RALGPS2: variants seen among roughly 807,000 people sequenced by gnomAD.
The protein encoded by RALGPS2 is ras-specific guanine nucleotide-releasing factor RalGPS2.
A neutral mutation model predicts 86.8 loss-of-function variants in RALGPS2; 43 were observed. That is an observed-to-expected ratio of 0.50 (90% CI 0.39 to 0.64). RALGPS2 has a LOEUF of 0.64. RALGPS2 is among the 30% of genes least tolerant of loss of function. RALGPS2 has a pLI of 0.00. For synonymous variants in RALGPS2, 243 were observed against 231.3 expected (o/e 1.05, Z -0.46); for missense variants, 536 against 694.6 (o/e 0.77, Z 2.57).
intron 8 of RALGPS2, chr1:178,865,772 T>C: frequency 6.4e-7 from 1 of 1,574,614 alleles, no homozygotes; most frequent in African/African-American, 1.4e-5. Flanking sequence ...GGTAAAAGTC[T>C]TCATTTTGAA....
intron 8 of RALGPS2, among the ~76,000 whole-genome samples, chr1:178,856,394 A>ATTTTCTTTTTTTTTTTTTTTTTTTTTT (rs1657575919): frequency 2.7e-5 from 1 of 36,432 alleles, no homozygotes; most frequent in African/African-American, 1.5e-4. Flanking sequence ...TGCCTGGCTA[A>ATTTTCTTTTTTTTTTTTTTTTTTTTTT]TTTTTTTTTT....
At chr1:178,746,363 A>G (rs1207165675) in intron 1 of RALGPS2, among the ~76,000 whole-genome samples, 1 of 152,240 alleles carries the variant, frequency 6.6e-6, no homozygotes, top group Non-Finnish European at 1.5e-5. Context: ...AAAATATTTA[A>G]TGCTGCCAAA....
At chr1:178,864,754 T>G (rs1452359908) in intron 8 of RALGPS2, among the ~76,000 whole-genome samples, 1 of 152,096 alleles carries the variant, frequency 6.6e-6, no homozygotes, top group Non-Finnish European at 1.5e-5. Flanking sequence ...TACATTAAGT[T>G]TTTATAAACT....
intron 3 of RALGPS2, among the ~76,000 whole-genome samples, chr1:178,785,333 T>G (rs901843176): frequency 1.3e-5 from 2 of 151,978 alleles, no homozygotes; most frequent in Non-Finnish European, 2.9e-5. Context: ...ATTATTTTTA[T>G]TTTTTAACTT....
intron 8 of RALGPS2, among the ~76,000 whole-genome samples, chr1:178,876,790 G>A (rs1305672551): frequency 2.0e-5 from 3 of 152,142 alleles, no homozygotes; most frequent in African/African-American, 7.2e-5. Context: ...TTAAGGACTA[G>A]TACAACCAAA....
At chr1:178,905,130 G>GCCAA (rs1489734623) in intron 18 of RALGPS2, among the ~76,000 whole-genome samples, 1 of 151,954 alleles carries the variant, frequency 6.6e-6, no homozygotes, top group Non-Finnish European at 1.5e-5. Flanking sequence ...ATTATAAAAG[G>GCCAA]CGTTGAATTC....
rs1270499803 is a variant in RALGPS2 at position 178,780,473 on chromosome 1, C to T, written c.57+3652C>T. ...ATATTCTTAAAATACAGCTCTTAAACTTTATCTTTTCTCAAAACTGTCTGT... is the reference window on the plus strand; with the variant it reads ...ATATTCTTAAAATACAGCTCTTAAATTTTATCTTTTCTCAAAACTGTCTGT... On this transcript the variant is annotated intron_variant, in intron 2 of 19. Coordinates refer to ENST00000367635, the MANE Select transcript of RALGPS2 (RefSeq NM_152663.5). Among the ~76,000 whole-genome samples the T allele has an allele frequency of 2.0e-5, 3 of 152,076 alleles. No homozygotes were observed. In the East Asian group the frequency reaches 5.8e-4, roughly 29 times the overall value.
intron 4 of RALGPS2, among the ~76,000 whole-genome samples, chr1:178,801,446 T>G (rs1276052964): frequency 6.6e-6 from 1 of 152,132 alleles, no homozygotes; most frequent in Non-Finnish European, 1.5e-5. Context: ...ATCAACCCAT[T>G]TGATCCTGTT....
At chr1:178,852,825 T>C in intron 8 of RALGPS2, 1 of 1,613,964 alleles carries the variant, frequency 6.2e-7, no homozygotes. Context: ...AGCTGCTGTA[T>C]TCTGCATAGA....
At chr1:178,825,775 C>G (rs1414089990) in intron 7 of RALGPS2, among the ~76,000 whole-genome samples, 1 of 152,108 alleles carries the variant, frequency 6.6e-6, no homozygotes, top group Non-Finnish European at 1.5e-5. Flanking sequence ...ATTGCAAGTG[C>G]TCAGTAGTCA....
At chr1:178,812,416 A>G (rs551280275) in intron 6 of RALGPS2, among the ~76,000 whole-genome samples, 2 of 152,266 alleles carry the variant, frequency 1.3e-5, no homozygotes, top group East Asian at 1.9e-4. Context: ...GGGGTCGCCT[A>G]TGGTTGAGTT....
intron 1 of RALGPS2, among the ~76,000 whole-genome samples, chr1:178,727,938 G>A (rs1413810713): frequency 6.6e-6 from 1 of 152,142 alleles, no homozygotes; most frequent in Non-Finnish European, 1.5e-5. Context: ...TTTTGGTTAA[G>A]GATATTGTTT....
intron 6 of RALGPS2, among the ~76,000 whole-genome samples, chr1:178,813,408 G>C (rs549411361): frequency 6.6e-6 from 1 of 152,232 alleles, no homozygotes; most frequent in Admixed American, 6.5e-5. Flanking sequence ...TTCAGACTTT[G>C]AATTATTTTT....
rs192777443 is a variant in RALGPS2, at chr1:178,787,887, G to A, written c.213+2280G>A. On this transcript the variant is annotated intron_variant, in intron 4 of 19. Transcript: ENST00000367635. ...ACCCCTCTAAATGCTTTTTTACCCAGTAGCCATGGTAATCTTTTCAACATC... is the reference window on the plus strand; with the variant it reads ...ACCCCTCTAAATGCTTTTTTACCCAATAGCCATGGTAATCTTTTCAACATC... Among the ~76,000 whole-genome samples the A allele has an allele frequency of 1.3e-3, 194 of 152,242 alleles. 2 individuals carry two copies. Among genetic ancestry groups the A allele is most frequent in the African/African-American group, 4.3e-3 (178 of 41,556 alleles).
intron 1 of RALGPS2, among the ~76,000 whole-genome samples, chr1:178,764,576 G>A (rs549114655): frequency 6.6e-6 from 1 of 152,296 alleles, no homozygotes; most frequent in East Asian, 1.9e-4. Flanking sequence ...GTACTTAAGT[G>A]TATTTTTATA....
intron 8 of RALGPS2, among the ~76,000 whole-genome samples, chr1:178,845,117 A>G (rs1402823342): frequency 6.6e-6 from 1 of 151,754 alleles, no homozygotes; most frequent in African/African-American, 2.4e-5. Context: ...AAAAAAAAAA[A>G]CCATATTTTT....
chr1:178,832,431 A>G (rs190288217), intron 7 of RALGPS2, among the ~76,000 whole-genome samples: 2 of 152,274 alleles, frequency 1.3e-5, no homozygotes, highest in East Asian at 3.9e-4. Context: ...ACCAGACTAT[A>G]AGATCCTGAA....
At chr1:178,910,566 A>G (rs1467210660) in intron 19 of RALGPS2, among the ~76,000 whole-genome samples, 1 of 152,214 alleles carries the variant, frequency 6.6e-6, no homozygotes, top group African/African-American at 2.4e-5. Context: ...AATCACATTT[A>G]TTGATTTGCA....
intron 4 of RALGPS2, among the ~76,000 whole-genome samples, chr1:178,801,472 A>G (rs547363989): frequency 6.6e-6 from 1 of 152,258 alleles, no homozygotes. Context: ...ATTATAATTT[A>G]TCGTGATAAA....
Sources: gnomAD v4.1 joint callset for allele counts (sites outside exome capture counted in the v4.1 genomes callset) on GRCh38, gnomAD v4.1.1 for gene constraint, MANE v1.5 for transcripts, NCBI Gene and HGNC (gene_info 2026-07-23, HGNC 2026-07-21) for gene names.